CDH12: variants seen among roughly 807,000 people sequenced by gnomAD.
The protein encoded by CDH12 is cadherin 12.
CDH12 carries 41 observed loss-of-function variants against 74.1 expected under a neutral mutation model. The ratio of observed to expected loss-of-function variants is 0.55; its 90% CI spans 0.43 to 0.72. The LOEUF (loss-of-function observed/expected upper bound fraction) is 0.72, where lower values mean the gene tolerates loss of function less well. CDH12 is among the 30% of genes least tolerant of loss of function. The pLI is 0.00. For synonymous variants in CDH12, 399 were observed against 355.0 expected, an observed-to-expected ratio of 1.12 and a Z score of -1.39; for missense variants, 945 against 977.2, an observed-to-expected ratio of 0.97 and a Z score of 0.44.
chr5:22,319,393 G>T (rs3099033), intron 3 of CDH12, among the ~76,000 whole-genome samples: 3 of 152,084 alleles, frequency 2.0e-5, no homozygotes, highest in Non-Finnish European at 4.4e-5. Flanking sequence ...CATCCTATGT[G>T]GGAAGAAAAG....
At chr5:21,972,774 T>C (rs1756907438) in intron 6 of CDH12, among the ~76,000 whole-genome samples, 1 of 152,158 alleles carries the variant, frequency 6.6e-6, no homozygotes, top group Non-Finnish European at 1.5e-5. Context: ...ATTCAATTCA[T>C]AAGCAGTGTT....
At chr5:22,807,716 A>G (rs1480559138) in intron 1 of CDH12, among the ~76,000 whole-genome samples, 1 of 152,244 alleles carries the variant, frequency 6.6e-6, no homozygotes, top group Non-Finnish European at 1.5e-5. Flanking sequence ...AATGGTAAGT[A>G]CTTGTGTATA....
At chr5:21,896,614 T>C (rs1753134270) in intron 6 of CDH12, among the ~76,000 whole-genome samples, 1 of 152,158 alleles carries the variant, frequency 6.6e-6, no homozygotes, top group African/African-American at 2.4e-5. Context: ...ATCTACAACC[T>C]AATCGATGTA....
intron 4 of CDH12, among the ~76,000 whole-genome samples, chr5:22,098,552 G>A (rs4631144): frequency 2.0e-5 from 3 of 152,070 alleles, no homozygotes; most frequent in Admixed American, 1.3e-4. Context: ...CAACTCACTC[G>A]CTACAGTTCT....
intron 2 of CDH12, among the ~76,000 whole-genome samples, chr5:22,439,838 C>T (rs571547880): frequency 6.6e-6 from 1 of 152,178 alleles, no homozygotes; most frequent in South Asian, 2.1e-4. Context: ...CATCAGATTG[C>T]TTTCAATTGT....
chr5:22,766,212 T>C (rs1017026353), intron 1 of CDH12, among the ~76,000 whole-genome samples: 2 of 152,054 alleles, frequency 1.3e-5, no homozygotes, highest in Admixed American at 6.6e-5. Flanking sequence ...AATTTCAATA[T>C]GCATTTACTT....
At chr5:22,284,904 G>T (rs1737066948) in intron 3 of CDH12, among the ~76,000 whole-genome samples, 2 of 145,422 alleles carry the variant, frequency 1.4e-5, no homozygotes, top group South Asian at 2.1e-4. Flanking sequence ...ATAGGAAGAT[G>T]AGATGAAAGA....
At chr5:22,745,944 T>C (rs1745275222) in intron 1 of CDH12, among the ~76,000 whole-genome samples, 1 of 152,116 alleles carries the variant, frequency 6.6e-6, no homozygotes, top group Non-Finnish European at 1.5e-5. Context: ...TAAAATATAA[T>C]GCAGTGGTTA....
intron 2 of CDH12, among the ~76,000 whole-genome samples, chr5:22,466,356 G>T (rs1038669743): frequency 3.3e-5 from 5 of 152,114 alleles, no homozygotes; most frequent in Non-Finnish European, 5.9e-5. Flanking sequence ...ATATGTTTAT[G>T]GGCCAGTGAT....
intron 3 of CDH12, among the ~76,000 whole-genome samples, chr5:22,312,232 A>G (rs1297464533): frequency 6.6e-6 from 1 of 152,120 alleles, no homozygotes; most frequent in Non-Finnish European, 1.5e-5. Flanking sequence ...AAAATTGAAT[A>G]TAAACATATT....
intron 1 of CDH12, among the ~76,000 whole-genome samples, chr5:22,621,149 A>T (rs1027025579): frequency 6.6e-6 from 1 of 152,152 alleles, no homozygotes; most frequent in African/African-American, 2.4e-5. Flanking sequence ...TCATCTTCAA[A>T]GCCAGCAGCA....
At chr5:22,419,999 T>C (rs112399066) in intron 2 of CDH12, among the ~76,000 whole-genome samples, 5 of 152,044 alleles carry the variant, frequency 3.3e-5, no homozygotes, top group Admixed American at 3.3e-4. Context: ...TGGGGTTTTT[T>C]TTTGTTTGTT....
intron 3 of CDH12, among the ~76,000 whole-genome samples, chr5:22,284,429 T>C (rs1186893062): frequency 6.6e-6 from 1 of 152,150 alleles, no homozygotes; most frequent in Non-Finnish European, 1.5e-5. Flanking sequence ...GGAGTATTTC[T>C]AAGATCACAT....
intron 3 of CDH12, among the ~76,000 whole-genome samples, chr5:22,344,081 A>G (rs1740005708): frequency 6.6e-6 from 1 of 152,246 alleles, no homozygotes; most frequent in African/African-American, 2.4e-5. Context: ...TTCTGCTTAC[A>G]GGAAATAAAG....
At chr5:22,658,457 G>T (rs1740174498) in intron 1 of CDH12, among the ~76,000 whole-genome samples, 1 of 151,906 alleles carries the variant, frequency 6.6e-6, no homozygotes, top group African/African-American at 2.4e-5. Context: ...ATCTATTATA[G>T]ATATTTATTT....
chr5:22,657,158 AGAT>A (rs1740088586), intron 1 of CDH12, among the ~76,000 whole-genome samples: 1 of 152,208 alleles, frequency 6.6e-6, no homozygotes, highest in South Asian at 2.1e-4. Flanking sequence ...CAGAGAAAAA[AGAT>A]GATGTTCTCA....
intron 1 of CDH12, among the ~76,000 whole-genome samples, chr5:22,722,774 A>G (rs1743966355): frequency 6.6e-6 from 1 of 152,222 alleles, no homozygotes; most frequent in South Asian, 2.1e-4. Flanking sequence ...AATATAAAAG[A>G]AGAATGAATG....
At chr5:22,657,957 G>T (rs1205678214) in intron 1 of CDH12, among the ~76,000 whole-genome samples, 3 of 152,058 alleles carry the variant, frequency 2.0e-5, no homozygotes, top group Non-Finnish European at 2.9e-5. Context: ...AATTAGAAAA[G>T]CAATCAATAA....
intron 3 of CDH12, among the ~76,000 whole-genome samples, chr5:22,219,308 G>T (rs1038506065): frequency 1.3e-5 from 2 of 151,468 alleles, no homozygotes; most frequent in Non-Finnish European, 3.0e-5. Flanking sequence ...GGCTCTAAAC[G>T]GATCTTCCTC....
Sources: allele counts gnomAD v4.1 joint callset (sites outside exome capture counted in the v4.1 genomes callset), GRCh38; gene constraint gnomAD v4.1.1; transcripts MANE v1.5; gene names NCBI Gene and HGNC (gene_info 2026-07-23, HGNC 2026-07-21).